Variants in AP1M1 observed in about 807,000 individuals in gnomAD.
AP1M1 encodes the protein AP-1 complex subunit mu-1.
A neutral mutation model predicts 57.1 loss-of-function variants in AP1M1; 18 were observed. The observed-to-expected ratio is 0.32, with a 90% confidence interval of 0.22 to 0.47. The LOEUF (loss-of-function observed/expected upper bound fraction) is 0.47. AP1M1 is among the 20% of genes least tolerant of loss of function. The pLI, the probability that AP1M1 is intolerant of heterozygous loss-of-function variation, is 1.00. For synonymous variants in AP1M1, 241 were observed against 237.9 expected (o/e 1.01, Z -0.12); for missense variants, 362 against 593.5 (o/e 0.61, Z 4.05).
intron 6 of AP1M1, 171 bp downstream of exon 6, chr19:16,226,718 G>A: frequency 1.1e-6 from 1 of 875,384 alleles, no homozygotes; most frequent in South Asian, 2.1e-5. Context: ...TCCTTCCCTG[G>A]ACATAGAAGG....
rs1229096007 is a variant in AP1M1, at chr19:16,209,022, C to A, written c.399-8C>A. The A allele has an allele frequency of 6.2e-7, 1 of 1,612,028 alleles. No individual in the cohort carries two copies. The highest frequency in any genetic ancestry group is 8.5e-7 in the Non-Finnish European group (1 of 1,178,788). ...CACCTCCTTCACTCTGAGCGTGTGG[C>A]CCCACAGGTACATCACTCAGGAAGG... On this transcript the variant is annotated splice_polypyrimidine_tract_variant and splice_region_variant and intron_variant, in intron 4 of 11. Transcript: ENST00000291439.
intron 2 of AP1M1, among the ~76,000 whole-genome samples, chr19:16,205,836 C>T (rs1180795019): frequency 2.6e-5 from 4 of 152,186 alleles, no homozygotes; most frequent in Admixed American, 2.6e-4. Flanking sequence ...ATCAAGGTTT[C>T]TCTAGAAAGG....
rs905870178 is a variant in AP1M1, at chr19:16,239,567, T to C, written c.*5132T>C. On this transcript the variant is annotated 3_prime_UTR_variant, in exon 12 of 12. Coordinates refer to ENST00000291439, the MANE Select transcript of AP1M1 (RefSeq NM_032493.4). ...GGAGGCTGAGGCGGCCAGATCATTT[T>C]AGGTCAGGAGTTTGAGACCAGCCTG... The C allele has an allele frequency of 1.3e-5, 2 of 151,918 alleles. No homozygotes were observed. Among genetic ancestry groups the C allele is most frequent in the African/African-American group, 2.4e-5 (1 of 41,332 alleles). The allele number at this position is 151,918 out of a possible 1,614,324, so 9.4% of individuals were successfully genotyped here.
At chr19:16,215,743 A>G (rs984370361) in intron 5 of AP1M1, among the ~76,000 whole-genome samples, 8 of 152,190 alleles carry the variant, frequency 5.3e-5, no homozygotes, top group African/African-American at 1.7e-4. Flanking sequence ...TCTCATGGAT[A>G]GTATCCTGAA....
chr19:16,238,093 G>C lies in AP1M1; in HGVS notation c.*3658G>C, dbSNP rs942856286. The stretch of plus-strand genomic sequence containing the variant: ...GGGCTTGAGCCATCATCCTGCCTTG[G>C]CCTCCCAAAGTGCTGGGATTACAGG... On this transcript the variant is annotated 3_prime_UTR_variant, in exon 12 of 12. Transcript: ENST00000291439. The C allele has an allele frequency of 3.3e-5, 5 of 152,276 alleles. No individual in the cohort carries two copies. The highest frequency in any genetic ancestry group is 7.3e-5 in the Non-Finnish European group (5 of 68,136). The allele number at this position is 152,276 out of a possible 1,614,324, so 9.4% of individuals were successfully genotyped here.
In AP1M1 at chr19:16,227,427, C is replaced by A; in HGVS notation, c.674-121C>A. On this transcript the variant is annotated intron_variant, in intron 6 of 11. Coordinates refer to ENST00000291439, the MANE Select transcript of AP1M1 (RefSeq NM_032493.4). This position sits in a 1 kb window ranked among gnomAD's most constrained non-coding sequence, Gnocchi z 6.2. ...GCCCCCTTGGTGTTTGTGGCCCAGG[C>A]TGCTCTCAGTGCGTGGACTGGGGGC... 2 of 1,152,534 alleles carry A rather than the reference C, an allele frequency of 1.7e-6. No homozygotes were observed. Among genetic ancestry groups the A allele is most frequent in the Non-Finnish European group, 2.5e-6 (2 of 795,664 alleles). The allele number at this position is 1,152,534 out of a possible 1,614,324, so 71.4% of individuals were successfully genotyped here.
At chr19:16,221,429 C>T (rs1045380174) in intron 5 of AP1M1, among the ~76,000 whole-genome samples, 1 of 152,236 alleles carries the variant, frequency 6.6e-6, no homozygotes, top group African/African-American at 2.4e-5. Flanking sequence ...TGCAGCTTGT[C>T]CCTGCTGCTG....
chr19:16,226,693 T>C, intron 6 of AP1M1, 146 bp downstream of exon 6: 3 of 1,023,616 alleles, frequency 2.9e-6, no homozygotes, highest in Non-Finnish European at 4.1e-6. Context: ...TTGAGACAGC[T>C]GTGTAGAGTA....
At chr19:16,208,843 C>A in intron 4 of AP1M1, 187 bp from the exon 5 acceptor site, 1 of 589,368 alleles carries the variant, frequency 1.7e-6, no homozygotes, top group Non-Finnish European at 2.9e-6. Context: ...GAAGATTTTT[C>A]TGTATGAAGC....
At chr19:16,209,994 C>T (rs144384220) in intron 5 of AP1M1, among the ~76,000 whole-genome samples, 255 of 152,318 alleles carry the variant, frequency 1.7e-3, no homozygotes, top group African/African-American at 6.0e-3. Context: ...CCCTCTTCCC[C>T]ATTTCCTGGC....
intron 2 of AP1M1, among the ~76,000 whole-genome samples, chr19:16,205,184 T>C (rs1421313440): frequency 6.6e-6 from 1 of 152,018 alleles, no homozygotes; most frequent in Non-Finnish European, 1.5e-5. Flanking sequence ...CGCCCAGGTA[T>C]TGGGAGAGGG....
intron 5 of AP1M1, among the ~76,000 whole-genome samples, chr19:16,215,463 C>CAAAAAAAAAAAA (rs59357311): frequency 3.2e-5 from 1 of 30,970 alleles, no homozygotes; most frequent in Non-Finnish European, 7.1e-5. Context: ...GATTCCATCT[C>CAAAAAAAAAAAA]AAAAAAAAAA....
chr19:16,232,158 C>T (rs1348293022), intron 9 of AP1M1, among the ~76,000 whole-genome samples: 1 of 152,266 alleles, frequency 6.6e-6, no homozygotes, highest in Non-Finnish European at 1.5e-5. Flanking sequence ...GCCTGTCCTC[C>T]TGTGCACCTT....
intron 5 of AP1M1, among the ~76,000 whole-genome samples, chr19:16,221,951 G>T (rs2091546187): frequency 6.6e-6 from 1 of 152,080 alleles, no homozygotes; most frequent in African/African-American, 2.4e-5. Flanking sequence ...CTCCCAAAGT[G>T]CTGGGATTAC....
rs926155656 is a variant in AP1M1 at position 16,245,530 on chromosome 19, C to T, written c.*11095C>T. On this transcript the variant is annotated 3_prime_UTR_variant, in exon 12 of 12. Coordinates refer to ENST00000291439, the MANE Select transcript of AP1M1 (RefSeq NM_032493.4). ...TCCTGGCCTCAAGTGATCCACCTGC[C>T]TCGGCCTCCCAAAGTGCGGGGAGAC... 2 of 152,350 alleles carry T rather than the reference C, an allele frequency of 1.3e-5. No individual in the cohort carries two copies. Among genetic ancestry groups the T allele is most frequent in the African/African-American group, 4.8e-5 (2 of 41,424 alleles). 9.4% of individuals were successfully genotyped at this position (152,350 alleles called of 1,614,324 possible). A position where few individuals can be genotyped will look rare whatever the true frequency, so the allele number is the denominator to read the frequency against.
intron 5 of AP1M1, among the ~76,000 whole-genome samples, chr19:16,211,578 C>T (rs1237981230): frequency 1.3e-5 from 2 of 151,872 alleles, no homozygotes; most frequent in Non-Finnish European, 2.9e-5. Flanking sequence ...ATGGTAGCTC[C>T]CGCTCTACTA....
chr19:16,197,937 G>A lies in AP1M1; in HGVS notation c.-90G>A, dbSNP rs900286827. ...GAAGTGGAGGTGAGCTGTCGCGGGC[G>A]GCGCCCGGCCTTGCTCAACGCCCAG... On this transcript the variant is annotated 5_prime_UTR_variant, in exon 1 of 12. Transcript: ENST00000291439. 6.0e-5 allele frequency: 72 copies of A among 1,196,374 alleles called. No homozygotes were observed. Among genetic ancestry groups the A allele is most frequent in the Non-Finnish European group, 7.2e-5 (63 of 879,896 alleles). 74.1% of individuals were successfully genotyped at this position (1,196,374 alleles called of 1,614,324 possible).
Position 16,203,246 on chromosome 19 carries a change from C to T in AP1M1, c.43-213C>T, listed in dbSNP as rs947698385. The T allele has an allele frequency of 2.2e-5, 13 of 591,972 alleles. No individual in the cohort carries two copies. In the African/African-American group the frequency reaches 2.2e-4, roughly 10 times the overall value. 36.7% of individuals were successfully genotyped at this position (591,972 alleles called of 1,614,324 possible). ...CTCACCCTGCGAAGAACTGCAGTGG[C>T]CCCTGTGGGCATTCACACTGGGAGA... On this transcript the variant is annotated intron_variant, in intron 1 of 11. Coordinates refer to ENST00000291439, the MANE Select transcript of AP1M1 (RefSeq NM_032493.4). This position sits in a 1 kb window ranked among gnomAD's most constrained non-coding sequence, Gnocchi z 4.6.
At chr19:16,221,128 G>GTT (rs2091542552) in intron 5 of AP1M1, among the ~76,000 whole-genome samples, 1 of 151,864 alleles carries the variant, frequency 6.6e-6, no homozygotes, top group African/African-American at 2.4e-5. Context: ...TTGTTTTTTT[G>GTT]TTTTGTTTTG....
Sources: allele counts gnomAD v4.1 joint callset (sites outside exome capture counted in the v4.1 genomes callset), GRCh38; gene constraint gnomAD v4.1.1; non-coding constraint Gnocchi (gnomAD v3.1); transcripts MANE v1.5; gene names NCBI Gene and HGNC (gene_info 2026-07-23, HGNC 2026-07-21).